Variants in ACVR1C observed in about 807,000 individuals in gnomAD.
ACVR1C encodes the protein activin A receptor type 1C, also known as activin receptor type-1C.
A neutral mutation model predicts 57.9 loss-of-function variants in ACVR1C; 23 were observed. The ratio of observed to expected loss-of-function variants is 0.40; its 90% CI spans 0.29 to 0.56. The LOEUF is 0.56. ACVR1C is among the 20% of genes least tolerant of loss of function. The pLI, the probability that ACVR1C is intolerant of heterozygous loss-of-function variation, is 0.50. For synonymous variants in ACVR1C, 214 were observed against 215.3 expected, an observed-to-expected ratio of 0.99 and a Z score of 0.05; for missense variants, 480 against 607.9, an observed-to-expected ratio of 0.79 and a Z score of 2.21.
chr2:157,542,964 GTTTT>G, intron 5 of ACVR1C, 102 bp from the exon 6 acceptor site: 1 of 1,212,090 alleles, frequency 8.3e-7, no homozygotes, highest in Non-Finnish European at 1.1e-6. Flanking sequence ...TTCAAAAAGA[GTTTT>G]CTTCAAAGCT....
In ACVR1C at chr2:157,533,555, T is replaced by C. The variant is rs1687408342; in HGVS notation, c.*363A>G. Reference sequence around the variant, plus strand: ...ATGTTTTCATCTCAGAAAAAAATGTTTTTACATCTTTTCCTGTTCATTCAT... The same window carrying C: ...ATGTTTTCATCTCAGAAAAAAATGTCTTTACATCTTTTCCTGTTCATTCAT... On this transcript the variant is annotated 3_prime_UTR_variant, in exon 9 of 9. Coordinates refer to ENST00000243349, the MANE Select transcript of ACVR1C (RefSeq NM_145259.3). The C allele has an allele frequency of 6.5e-6, 1 of 154,578 alleles. No individual in the cohort carries two copies. Among genetic ancestry groups the C allele is most frequent in the African/African-American group, 2.4e-5 (1 of 41,548 alleles). 9.6% of individuals were successfully genotyped at this position (154,578 alleles called of 1,614,324 possible).
chr2:157,619,165 A>G (rs1682713870), intron 1 of ACVR1C, among the ~76,000 whole-genome samples: 1 of 151,836 alleles, frequency 6.6e-6, no homozygotes, highest in African/African-American at 2.4e-5. Context: ...ACAAACACAA[A>G]TGAATTCAAA....
At chr2:157,585,129 G>C (rs537476040) in intron 2 of ACVR1C, among the ~76,000 whole-genome samples, 1 of 152,254 alleles carries the variant, frequency 6.6e-6, no homozygotes, top group South Asian at 2.1e-4. Context: ...AGATGTGGTG[G>C]TGGTTACATG....
At chr2:157,616,595 C>T (rs1682657517) in intron 1 of ACVR1C, among the ~76,000 whole-genome samples, 1 of 152,028 alleles carries the variant, frequency 6.6e-6, no homozygotes, top group Non-Finnish European at 1.5e-5. Context: ...CCTTAAGTAT[C>T]TCCTCATAAT....
intron 2 of ACVR1C, among the ~76,000 whole-genome samples, chr2:157,581,797 T>A (rs1688798724): frequency 6.6e-6 from 1 of 152,244 alleles, no homozygotes; most frequent in Admixed American, 6.5e-5. Context: ...GTGTAGTACA[T>A]GAACATGATG....
intron 6 of ACVR1C, 125 bp downstream of exon 6, chr2:157,542,581 A>T: frequency 1.8e-6 from 2 of 1,124,480 alleles, no homozygotes; most frequent in Non-Finnish European, 2.5e-6. Context: ...CCCAGAGAAG[A>T]CTTCTGGATT....
intron 2 of ACVR1C, among the ~76,000 whole-genome samples, chr2:157,566,804 A>C (rs1342332624): frequency 6.6e-6 from 1 of 152,166 alleles, no homozygotes; most frequent in Non-Finnish European, 1.5e-5. Flanking sequence ...GCCATTGCCC[A>C]GGCTTGCTTA....
intron 2 of ACVR1C, among the ~76,000 whole-genome samples, chr2:157,566,195 T>TA (rs935370740): frequency 1.3e-5 from 2 of 152,080 alleles, no homozygotes; most frequent in Admixed American, 6.5e-5. Flanking sequence ...ACCCTTTACA[T>TA]AAAAAAAGAA....
chr2:157,583,648 T>C (rs984960553), intron 2 of ACVR1C, among the ~76,000 whole-genome samples: 2 of 152,146 alleles, frequency 1.3e-5, no homozygotes, highest in African/African-American at 4.8e-5. Context: ...TCAAAACAGT[T>C]TGACGATAGT....
At chr2:157,556,000 C>G in intron 3 of ACVR1C, 93 bp downstream of exon 3, 1 of 1,385,092 alleles carries the variant, frequency 7.2e-7, no homozygotes, top group Non-Finnish European at 9.6e-7. Flanking sequence ...AGACGGAATT[C>G]ATAATATTTG....
At chr2:157,552,644 A>C (rs1295708779) in intron 3 of ACVR1C, among the ~76,000 whole-genome samples, 1 of 152,230 alleles carries the variant, frequency 6.6e-6, no homozygotes, top group African/African-American at 2.4e-5. Flanking sequence ...AGAGCTAGAT[A>C]AGCTTATGCT....
rs77929438 is a variant in ACVR1C, at chr2:157,605,731, G to A, written c.74-18314C>T. On this transcript the variant is annotated intron_variant, in intron 1 of 8. Coordinates refer to ENST00000243349, the MANE Select transcript of ACVR1C (RefSeq NM_145259.3). ...AGGTACATATCAGGGTTTGTTACAC[G>A]CATAGAATGTATAATAGTCAAGTCA... Among the ~76,000 whole-genome samples the A allele has an allele frequency of 6.0e-3, 917 of 151,652 alleles. 11 individuals carry two copies. The highest frequency in any genetic ancestry group is 0.02 in the African/African-American group (839 of 41,466).
At chr2:157,546,417 C>T (rs1687757068) in intron 4 of ACVR1C, among the ~76,000 whole-genome samples, 1 of 152,144 alleles carries the variant, frequency 6.6e-6, no homozygotes, top group African/African-American at 2.4e-5. Context: ...GTGCTAAATG[C>T]TAAGCCTCTC....
intron 8 of ACVR1C, among the ~76,000 whole-genome samples, chr2:157,534,545 T>C (rs189983227): frequency 6.6e-6 from 1 of 152,114 alleles, no homozygotes; most frequent in Non-Finnish European, 1.5e-5. Context: ...AGTACACAAG[T>C]GTAAACGTAC....
In ACVR1C at chr2:157,530,805, C is replaced by T. The variant is rs1687334223; in HGVS notation, c.*3113G>A. On this transcript the variant is annotated 3_prime_UTR_variant, in exon 9 of 9. Coordinates refer to ENST00000243349, the MANE Select transcript of ACVR1C (RefSeq NM_145259.3). The stretch of plus-strand genomic sequence containing the variant: ...GATGTGACATGCCAAATATTTTAGA[C>T]ATAGAAGAAAGCATACAACAGAATC... 6.6e-6 allele frequency: 1 copy of T among 152,028 alleles called. No individual in the cohort carries two copies. The highest frequency in any genetic ancestry group is 2.4e-5 in the African/African-American group (1 of 41,414). The allele number at this position is 152,028 out of a possible 1,614,324, so 9.4% of individuals were successfully genotyped here.
intron 3 of ACVR1C, among the ~76,000 whole-genome samples, chr2:157,554,191 AT>A (rs1365247639): frequency 2.6e-4 from 19 of 71,766 alleles, no homozygotes; most frequent in Admixed American, 1.0e-3. Flanking sequence ...AAAAAAAAAA[AT>A]AAAGAAGAGA....
At chr2:157,540,575 C>T (rs1313831561) in intron 7 of ACVR1C, among the ~76,000 whole-genome samples, 1 of 152,132 alleles carries the variant, frequency 6.6e-6, no homozygotes, top group African/African-American at 2.4e-5. Flanking sequence ...GGATTACAGG[C>T]ATGAGTCACC....
intron 1 of ACVR1C, among the ~76,000 whole-genome samples, chr2:157,601,668 A>G (rs1013928827): frequency 6.6e-6 from 1 of 152,210 alleles, no homozygotes; most frequent in African/African-American, 2.4e-5. Context: ...TGAGTTTAAC[A>G]TTGTTGGAAT....
intron 2 of ACVR1C, among the ~76,000 whole-genome samples, chr2:157,577,371 G>A (rs570718818): frequency 5.3e-4 from 81 of 151,796 alleles, no homozygotes; most frequent in Middle Eastern, 3.4e-3. Flanking sequence ...ATCTCCCTCC[G>A]AGATTGTGGA....
Sources: gnomAD v4.1 joint callset for allele counts (sites outside exome capture counted in the v4.1 genomes callset) on GRCh38, gnomAD v4.1.1 for gene constraint, MANE v1.5 for transcripts, NCBI Gene and HGNC (gene_info 2026-07-23, HGNC 2026-07-21) for gene names.